The following IL19 variants were observed in gnomAD, a reference collection of about 807,000 sequenced individuals.
IL19 encodes interleukin 19, also known as interleukin-19.
Under a neutral mutation model 19.5 loss-of-function variants are expected in IL19, and 15 were observed. The ratio of observed to expected loss-of-function variants is 0.77; its 90% CI spans 0.52 to 1.19. The LOEUF is 1.19. Among genes scored for constraint, IL19 ranks in the 50% most tolerant of loss-of-function variants. IL19 has a pLI of 0.00. For missense variants in IL19, 199 were observed against 213.1 expected, an observed-to-expected ratio of 0.93 and a Z score of 0.41; for synonymous variants, 78 against 78.3, an observed-to-expected ratio of 1.00 and a Z score of 0.02.
rs1307541646 is a variant in IL19 at position 206,770,962 on chromosome 1, T to A, written c.-265T>A. The A allele has an allele frequency of 1.2e-6, 2 of 1,614,176 alleles. No individual in the cohort carries two copies. Among genetic ancestry groups the A allele is most frequent in the Non-Finnish European group, 8.5e-7 (1 of 1,180,006 alleles). On this transcript the variant is annotated 5_prime_UTR_variant, in exon 1 of 7. An upstream start codon of the reference 5' UTR is lost. Coordinates refer to ENST00000659997, the MANE Select transcript of IL19 (RefSeq NM_153758.5). ...CAGGTTCTCCCCCAGGGAGTTCACA[T>A]GCGCCTTGATGTCTGGGTCTTGGTT...
At chr1:206,837,534 A>C (rs1336235518) in intron 4 of IL19, among the ~76,000 whole-genome samples, 1 of 152,276 alleles carries the variant, frequency 6.6e-6, no homozygotes, top group African/African-American at 2.4e-5. Context: ...CCCTGGAGCC[A>C]GGCTGAGCCT....
At chr1:206,830,828 T>C (rs899553808) in intron 2 of IL19, among the ~76,000 whole-genome samples, 2 of 152,190 alleles carry the variant, frequency 1.3e-5, no homozygotes, top group East Asian at 1.9e-4. Context: ...CCGCCCGCCT[T>C]GGCCTCCCAA....
intron 1 of IL19, among the ~76,000 whole-genome samples, chr1:206,795,927 A>ATG (rs71570039): frequency 0.11 from 14,658 of 133,466 alleles, 836 homozygotes; most frequent in African/African-American, 0.15. Flanking sequence ...AAATATATAT[A>ATG]TGTGTGTGTG....
chr1:206,818,800 C>G (rs1476579317), intron 2 of IL19, among the ~76,000 whole-genome samples: 1 of 143,662 alleles, frequency 7.0e-6, no homozygotes, highest in Non-Finnish European at 1.5e-5. Context: ...TTCTTTCTTT[C>G]TTTTTTCTTT....
At chr1:206,833,996 T>A in intron 2 of IL19, 1 of 985,242 alleles carries the variant, frequency 1.0e-6, no homozygotes, top group Non-Finnish European at 1.2e-6. Flanking sequence ...TGATTGAGAG[T>A]GCTTTTGTGA....
intron 1 of IL19, among the ~76,000 whole-genome samples, chr1:206,787,076 C>G (rs182859943): frequency 7.6e-4 from 115 of 152,306 alleles, no homozygotes; most frequent in African/African-American, 2.7e-3. Flanking sequence ...CCCACAGGTT[C>G]TCTCCACAAG....
intron 2 of IL19, among the ~76,000 whole-genome samples, chr1:206,801,878 T>A (rs1194422982): frequency 6.6e-6 from 1 of 152,226 alleles, no homozygotes; most frequent in Non-Finnish European, 1.5e-5. Flanking sequence ...GGTGATTACC[T>A]GGGTATCTTG....
chr1:206,797,219 T>G (rs1023046258), intron 1 of IL19, among the ~76,000 whole-genome samples: 4 of 152,156 alleles, frequency 2.6e-5, no homozygotes, highest in Non-Finnish European at 4.4e-5. Flanking sequence ...ACCTGTTCAT[T>G]TCACCAGGGC....
intron 4 of IL19, among the ~76,000 whole-genome samples, 183 bp downstream of exon 4, chr1:206,837,206 C>T (rs1676826784): frequency 6.6e-6 from 1 of 152,072 alleles, no homozygotes; most frequent in Admixed American, 6.5e-5. Flanking sequence ...TATGTAACCC[C>T]TGGGAGGAAT....
intron 2 of IL19, 140 bp downstream of exon 2, chr1:206,799,146 T>C (rs1675609035): frequency 1.5e-6 from 1 of 680,184 alleles, no homozygotes; most frequent in African/African-American, 1.8e-5. Context: ...TGTCATAAAG[T>C]TCCTTATTGC....
At chr1:206,801,313 T>A (rs1675702906) in intron 2 of IL19, among the ~76,000 whole-genome samples, 1 of 152,194 alleles carries the variant, frequency 6.6e-6, no homozygotes, top group African/African-American at 2.4e-5. Context: ...CTCTGGAATG[T>A]TCCTTGGAGA....
At chr1:206,838,289 C>T (rs1676867022) in intron 4 of IL19, among the ~76,000 whole-genome samples, 1 of 152,136 alleles carries the variant, frequency 6.6e-6, no homozygotes, top group African/African-American at 2.4e-5. Flanking sequence ...TCCTCCAGTC[C>T]TGGGAAGTAT....
chr1:206,795,067 C>A lies in IL19; in HGVS notation c.-148-3794C>A, dbSNP rs542356692. On this transcript the variant is annotated intron_variant, in intron 1 of 6. Coordinates refer to ENST00000659997, the MANE Select transcript of IL19 (RefSeq NM_153758.5). ...GGCTGTTATGCTCTGGCCCAGGTGT[C>A]TTTCAGGGCCTTTCATTCTCCACAC... Among the ~76,000 whole-genome samples, 457 of 152,270 alleles carry A rather than the reference C, an allele frequency of 3.0e-3. 6 individuals are homozygous for A. The highest frequency in any genetic ancestry group is 0.01 in the Middle Eastern group (3 of 294).
At chr1:206,786,417 G>A (rs972982514) in intron 1 of IL19, among the ~76,000 whole-genome samples, 1 of 152,144 alleles carries the variant, frequency 6.6e-6, no homozygotes, top group African/African-American at 2.4e-5. Flanking sequence ...TGGTGCAAGT[G>A]GAGGGAGAGT....
intron 2 of IL19, among the ~76,000 whole-genome samples, chr1:206,817,922 AC>A (rs1160823769): frequency 6.6e-6 from 1 of 151,880 alleles, no homozygotes; most frequent in East Asian, 1.9e-4. Context: ...TGCCACCACT[AC>A]CAGCTAATAG....
intron 2 of IL19, among the ~76,000 whole-genome samples, chr1:206,817,720 C>T (rs1417835798): frequency 6.7e-6 from 1 of 149,748 alleles, no homozygotes; most frequent in African/African-American, 2.5e-5. Context: ...CACAGAACTA[C>T]AAGGAGATAT....
At chr1:206,773,756 C>T (rs1674922458) in intron 1 of IL19, among the ~76,000 whole-genome samples, 2 of 152,284 alleles carry the variant, frequency 1.3e-5, no homozygotes, top group Admixed American at 6.5e-5. Context: ...TTGATTGAGC[C>T]TTCACCTTCC....
rs745963270 is a variant in IL19 at position 206,840,012 on chromosome 1, T to A, written c.363+10T>A. ...AACTCTGCGGCAATGTGTGAGTCAC[T>A]GGGTCAGAATTCCAGCATCTGCTCC... On this transcript the variant is annotated intron_variant, in intron 5 of 6. Transcript: ENST00000659997. 6.2e-6 allele frequency: 10 copies of A among 1,614,160 alleles called. No individual in the cohort carries two copies.
chr1:206,771,640 G>A (rs747717540), intron 1 of IL19, among the ~76,000 whole-genome samples: 18 of 152,168 alleles, frequency 1.2e-4, no homozygotes, highest in Non-Finnish European at 2.4e-4. Flanking sequence ...AAATCTGGCC[G>A]ATTTTGAAGG....
Sources: gnomAD v4.1 joint callset for allele counts (sites outside exome capture counted in the v4.1 genomes callset) on GRCh38, gnomAD v4.1.1 for gene constraint, MANE v1.5 for transcripts, NCBI Gene and HGNC (gene_info 2026-07-23, HGNC 2026-07-21) for gene names.